The following MEF2A variants were observed in gnomAD, a reference collection of about 807,000 sequenced individuals.
MEF2A encodes the protein myocyte enhancer factor 2A, also known as myocyte-specific enhancer factor 2A.
In MEF2A, 28 loss-of-function variants were observed where a neutral mutation model predicts 55.8. That is an observed-to-expected ratio of 0.50 (90% CI 0.37 to 0.69). The LOEUF (loss-of-function observed/expected upper bound fraction) is 0.69. Among genes scored for constraint, MEF2A ranks in the 30% least tolerant of loss-of-function variants. The pLI is 0.00. For synonymous variants in MEF2A, 239 were observed against 227.1 expected, an observed-to-expected ratio of 1.05 and a Z score of -0.47; for missense variants, 528 against 626.2, an observed-to-expected ratio of 0.84 and a Z score of 1.67.
chr15:99,658,615 C>CA (rs2048131031), intron 4 of MEF2A, among the ~76,000 whole-genome samples: 1 of 148,784 alleles, frequency 6.7e-6, no homozygotes, highest in Non-Finnish European at 1.5e-5. Context: ...AAAAAAAAAA[C>CA]AAACAAAAAC....
chr15:99,627,531 T>A (rs2042246247), intron 2 of MEF2A, among the ~76,000 whole-genome samples: 1 of 151,928 alleles, frequency 6.6e-6, no homozygotes. Context: ...TTAGCTGAAG[T>A]TTATTTAGGA....
chr15:99,703,292 A>G, intron 8 of MEF2A, 70 bp from the exon 9 acceptor site: 1 of 1,522,110 alleles, frequency 6.6e-7, no homozygotes, highest in Non-Finnish European at 9.1e-7. Flanking sequence ...GTTTTTTCTA[A>G]AGAAATATTT....
intron 3 of MEF2A, 91 bp downstream of exon 3, chr15:99,633,264 ATT>A: frequency 1.2e-6 from 1 of 836,252 alleles, no homozygotes; most frequent in South Asian, 2.4e-5. Flanking sequence ...CTTAAACTTA[ATT>A]TTAAGTCTAA....
intron 1 of MEF2A, among the ~76,000 whole-genome samples, chr15:99,570,172 G>A (rs1307004865): frequency 2.6e-5 from 4 of 152,128 alleles, no homozygotes; most frequent in Non-Finnish European, 5.9e-5. Flanking sequence ...AAACATTGGT[G>A]TATGAAGGCA....
chr15:99,573,996 T>C (rs1249719440), intron 1 of MEF2A, among the ~76,000 whole-genome samples: 1 of 152,230 alleles, frequency 6.6e-6, no homozygotes, highest in Non-Finnish European at 1.5e-5. Context: ...TTTTGTTTTC[T>C]TTCAGAAATG....
At chr15:99,605,450 A>G (rs974511491) in intron 2 of MEF2A, among the ~76,000 whole-genome samples, 4 of 152,168 alleles carry the variant, frequency 2.6e-5, no homozygotes, top group African/African-American at 7.2e-5. Context: ...GCCTATCACA[A>G]CTTCCAAAGT....
chr15:99,625,172 C>A (rs1180852089), intron 2 of MEF2A, among the ~76,000 whole-genome samples: 3 of 152,226 alleles, frequency 2.0e-5, no homozygotes, highest in Non-Finnish European at 1.5e-5. Flanking sequence ...AGGGATTTAA[C>A]CCCATCGTAA....
chr15:99,645,411 G>T (rs747872155), intron 3 of MEF2A, 150 bp from the exon 4 acceptor site: 4 of 606,512 alleles, frequency 6.6e-6, no homozygotes, highest in Non-Finnish European at 1.2e-5. Flanking sequence ...AGCACAACAG[G>T]AGAGGGAAGG....
rs1047564756 is a variant in MEF2A at position 99,675,191 on chromosome 15, A to G, written c.611-208A>G. Among the ~76,000 whole-genome samples, 6 of 152,322 alleles carry G rather than the reference A, an allele frequency of 3.9e-5. No individual in the cohort carries two copies. In the East Asian group the frequency reaches 1.2e-3, roughly 29 times the overall value. The stretch of plus-strand genomic sequence containing the variant: ...CTATTTGGTATTGAAGGCGACATCA[A>G]GCTTGAAAGGTAAACTCATATATAT... On this transcript the variant is annotated intron_variant, in intron 6 of 11. Coordinates refer to ENST00000557942, the MANE Select transcript of MEF2A (RefSeq NM_001319206.4).
chr15:99,638,432 G>C (rs187695916), intron 3 of MEF2A, among the ~76,000 whole-genome samples: 7 of 151,956 alleles, frequency 4.6e-5, no homozygotes, highest in Admixed American at 4.6e-4. Flanking sequence ...TACATATAAC[G>C]GTTTTGTATC....
intron 1 of MEF2A, among the ~76,000 whole-genome samples, chr15:99,570,175 T>C (rs941026517): frequency 1.1e-4 from 16 of 152,170 alleles, no homozygotes; most frequent in Non-Finnish European, 2.1e-4. Context: ...CATTGGTGTA[T>C]GAAGGCAGGT....
intron 7 of MEF2A, among the ~76,000 whole-genome samples, chr15:99,683,349 CAAG>C (rs1049625787): frequency 2.6e-5 from 4 of 152,138 alleles, no homozygotes; most frequent in African/African-American, 9.7e-5. Flanking sequence ...TTGGAGGAAA[CAAG>C]AGGAATTGGG....
chr15:99,567,345 C>T (rs145689813), intron 1 of MEF2A, among the ~76,000 whole-genome samples: 1 of 152,300 alleles, frequency 6.6e-6, no homozygotes, highest in African/African-American at 2.4e-5. Flanking sequence ...CTTGTATCAT[C>T]TATTACTATA....
At chr15:99,691,201 G>C (rs1025205724) in intron 8 of MEF2A, among the ~76,000 whole-genome samples, 1 of 148,922 alleles carries the variant, frequency 6.7e-6, no homozygotes. Context: ...CAGAGACAGA[G>C]GGAGGGGGGA....
rs187695916 is a variant in MEF2A at position 99,638,432 on chromosome 15, G to A, written c.54+5259G>A. ...CTCTGGGATTCTAGTTACATATAAC[G>A]GTTTTGTATCCCATACATTTCTTAT... is the stretch of plus-strand genomic sequence containing the variant. On this transcript the variant is annotated intron_variant, in intron 3 of 11. Transcript: ENST00000557942. Among the ~76,000 whole-genome samples the A allele has an allele frequency of 2.2e-3, 332 of 151,956 alleles. 2 individuals are homozygous for A. Among genetic ancestry groups the A allele is most frequent in the African/African-American group, 7.2e-3 (298 of 41,440 alleles).
In MEF2A at chr15:99,690,663, G is replaced by A. The variant is rs1382687141; in HGVS notation, c.858+235G>A. On this transcript the variant is annotated intron_variant, in intron 8 of 11. Transcript: ENST00000557942. ...ATTAAAGCTAAATACGAACGTGGTT[G>A]GAACTGGAGGTTATTGTGTTAAGTG... 3 of 606,838 alleles carry A rather than the reference G, an allele frequency of 4.9e-6. No individual in the cohort carries two copies. In the Admixed American group the frequency reaches 6.4e-5, roughly 13 times the overall value. 37.6% of individuals were successfully genotyped at this position (606,838 alleles called of 1,614,324 possible).
chr15:99,703,979 A>G (rs1567495629), intron 9 of MEF2A, among the ~76,000 whole-genome samples: 1 of 152,196 alleles, frequency 6.6e-6, no homozygotes, highest in African/African-American at 2.4e-5. Context: ...TTTCCAAAAC[A>G]AACGTTTTCT....
chr15:99,626,335 G>T (rs1348858448), intron 2 of MEF2A, among the ~76,000 whole-genome samples: 1 of 151,946 alleles, frequency 6.6e-6, no homozygotes, highest in Non-Finnish European at 1.5e-5. Context: ...TCTGATTTTA[G>T]TAATTTTGAG....
intron 4 of MEF2A, among the ~76,000 whole-genome samples, chr15:99,667,456 C>T (rs2050019534): frequency 6.6e-6 from 1 of 152,082 alleles, no homozygotes; most frequent in African/African-American, 2.4e-5. Flanking sequence ...ATCTCCTGAC[C>T]TCGTGATCCG....
Sources: gnomAD v4.1 joint callset for allele counts (sites outside exome capture counted in the v4.1 genomes callset) on GRCh38, gnomAD v4.1.1 for gene constraint, MANE v1.5 for transcripts, NCBI Gene and HGNC (gene_info 2026-07-23, HGNC 2026-07-21) for gene names.